The following UGT1A10 variants were observed in gnomAD, a reference collection of about 807,000 sequenced individuals.
UGT1A10 encodes the protein UDP-glucuronosyltransferase 1A10.
Under a neutral mutation model 45.8 loss-of-function variants are expected in UGT1A10, and 49 were observed. That is an observed-to-expected ratio of 1.07 (90% confidence interval 0.85 to 1.36). The LOEUF (loss-of-function observed/expected upper bound fraction) is 1.36, where lower values mean the gene tolerates loss of function less well. UGT1A10 is among the 40% of genes most tolerant of loss of function. The pLI is 0.00. For synonymous variants in UGT1A10, 284 were observed against 249.7 expected, an observed-to-expected ratio of 1.14 and a Z score of -1.29; for missense variants, 745 against 668.6, an observed-to-expected ratio of 1.11 and a Z score of -1.26.
chr2:233,704,631 A>G (rs1393550960), intron 1 of UGT1A10, among the ~76,000 whole-genome samples: 1 of 152,120 alleles, frequency 6.6e-6, no homozygotes, highest in Non-Finnish European at 1.5e-5. Flanking sequence ...TGTTATATTA[A>G]CCTTTTTGCT....
At chr2:233,767,966 A>G in intron 3 of UGT1A10, 30 bp downstream of exon 3, 1 of 1,614,232 alleles carries the variant, frequency 6.2e-7, no homozygotes, top group South Asian at 1.1e-5. Flanking sequence ...TGTATAGGTC[A>G]AACCAGGGTC....
intron 1 of UGT1A10, among the ~76,000 whole-genome samples, chr2:233,736,379 C>T (rs2078756345): frequency 6.6e-6 from 1 of 152,164 alleles, no homozygotes; most frequent in African/African-American, 2.4e-5. Context: ...TTAAGGTCTT[C>T]TCTACAGTGT....
chr2:233,704,632 C>T (rs576550936), intron 1 of UGT1A10, among the ~76,000 whole-genome samples: 126 of 152,100 alleles, frequency 8.3e-4, no homozygotes, highest in African/African-American at 2.9e-3. Flanking sequence ...GTTATATTAA[C>T]CTTTTTGCTT....
At chr2:233,691,527 A>G (rs2075047023) in intron 1 of UGT1A10, 2 of 985,494 alleles carry the variant, frequency 2.0e-6, no homozygotes, top group Admixed American at 6.1e-5. Context: ...GTGCATGACT[A>G]GCTCTGGGCA....
intron 1 of UGT1A10, among the ~76,000 whole-genome samples, chr2:233,732,279 A>C (rs2078256222): frequency 6.6e-6 from 1 of 152,052 alleles, no homozygotes; most frequent in East Asian, 1.9e-4. Context: ...TGCTGTGGAG[A>C]AGCTCTTTAG....
At chr2:233,713,308 T>A in intron 1 of UGT1A10, 1 of 1,614,228 alleles carries the variant, frequency 6.2e-7, no homozygotes, top group Non-Finnish European at 8.5e-7. Flanking sequence ...ACAGAACATC[T>A]TCTGATGAAA....
chr2:233,672,860 A>T, intron 1 of UGT1A10: 1 of 1,528,356 alleles, frequency 6.5e-7, no homozygotes, highest in Non-Finnish European at 8.8e-7. Flanking sequence ...TCTTTACTGA[A>T]CTGTGATTTG....
At chr2:233,649,052 T>G in intron 1 of UGT1A10, 1 of 992,158 alleles carries the variant, frequency 1.0e-6, no homozygotes, top group South Asian at 3.0e-5. Context: ...TTTAGCACAT[T>G]AAAAGTATTC....
chr2:233,657,150 G>T (rs2073873365), intron 1 of UGT1A10, among the ~76,000 whole-genome samples: 1 of 152,138 alleles, frequency 6.6e-6, no homozygotes, highest in African/African-American at 2.4e-5. Flanking sequence ...ATGCCCTGTG[G>T]CCTGCTGGCC....
intron 1 of UGT1A10, 47 bp downstream of exon 1, chr2:233,637,424 A>G (rs1180195488): frequency 3.9e-6 from 6 of 1,548,984 alleles, no homozygotes; most frequent in Non-Finnish European, 5.2e-6. Context: ...TGGCTTTGGA[A>G]ATTAAAAAAG....
rs187768174 is a variant in UGT1A10, at chr2:233,743,103, C to T, written c.856-23931C>T. 4.1e-3 allele frequency: 1,437 copies of T among 353,348 alleles called. 18 individuals carry two copies. Among genetic ancestry groups the T allele is most frequent in the South Asian group, 0.019 (861 of 45,444 alleles). 21.9% of individuals were successfully genotyped at this position (353,348 alleles called of 1,614,324 possible). A position where few individuals can be genotyped will look rare whatever the true frequency, so the allele number is the denominator to read the frequency against. ...AGTGTTTATAAATTCTTGGGTACAG[C>T]TGTTCTGAAAGTAAAGTTCACTTTC... On this transcript the variant is annotated intron_variant, in intron 1 of 4. Transcript: ENST00000344644.
chr2:233,762,039 CTG>C (rs1484213771), intron 1 of UGT1A10, among the ~76,000 whole-genome samples: 1 of 152,090 alleles, frequency 6.6e-6, no homozygotes, highest in Non-Finnish European at 1.5e-5. Flanking sequence ...TTTTAATTTT[CTG>C]TGCATTTTCC....
At chr2:233,667,835 C>T (rs942729743) in intron 1 of UGT1A10, among the ~76,000 whole-genome samples, 1 of 152,158 alleles carries the variant, frequency 6.6e-6, no homozygotes, top group Non-Finnish European at 1.5e-5. Context: ...CAATGAGATA[C>T]CATCTCACAC....
At chr2:233,690,692 C>T in intron 1 of UGT1A10, 1 of 1,247,740 alleles carries the variant, frequency 8.0e-7, no homozygotes, top group Admixed American at 2.9e-5. Context: ...AGCGGAGCTA[C>T]TCTTTAGGGA....
chr2:233,730,252 T>A (rs1444242669), intron 1 of UGT1A10, among the ~76,000 whole-genome samples: 1 of 152,134 alleles, frequency 6.6e-6, no homozygotes, highest in Non-Finnish European at 1.5e-5. Context: ...GTGTGACTCA[T>A]AGAGACTGTT....
chr2:233,743,994 TG>T, intron 1 of UGT1A10: 1 of 1,253,164 alleles, frequency 8.0e-7, no homozygotes, highest in Non-Finnish European at 1.0e-6. Flanking sequence ...CAGGCCCGAG[TG>T]CTCGGAGACC....
At chr2:233,668,919 G>T (rs181115232) in intron 1 of UGT1A10, among the ~76,000 whole-genome samples, 29 of 152,272 alleles carry the variant, frequency 1.9e-4, no homozygotes, top group Admixed American at 1.5e-3. Context: ...CCTTGGTTTT[G>T]ATTACTTTGT....
chr2:233,768,231 A>G lies in UGT1A10; in HGVS notation c.1087A>G (p.Thr363Ala). The G allele has an allele frequency of 5.6e-6, 9 of 1,614,162 alleles. No homozygotes were observed. The highest frequency in any genetic ancestry group is 7.6e-6 in the Non-Finnish European group (9 of 1,180,044). Reference sequence around the variant, plus strand: ...ATTTTGCATCTCAGGTCACCCGATGACCCGTGCCTTTATCACCCATGCTGG... The same window carrying G: ...ATTTTGCATCTCAGGTCACCCGATGGCCCGTGCCTTTATCACCCATGCTGG... ...PQNDLLGHPMTRAFITHAGSH... is the reference protein window; with the variant it reads ...PQNDLLGHPMARAFITHAGSH... The change falls in exon 4 of 5, where the codon ACC becomes GCC. Residue 363 changes from threonine (T) to alanine (A), a missense_variant. By Grantham distance (58) the Thr-to-Ala change is moderately conservative. Coordinates refer to ENST00000344644, the MANE Select transcript of UGT1A10 (RefSeq NM_019075.4).
intron 1 of UGT1A10, among the ~76,000 whole-genome samples, chr2:233,715,364 AT>A (rs1460416152): frequency 6.7e-6 from 1 of 149,952 alleles, no homozygotes; most frequent in African/African-American, 2.4e-5. Context: ...TGAGACTTAT[AT>A]TTTCTTCACA....
Sources: gnomAD v4.1 joint callset for allele counts (sites outside exome capture counted in the v4.1 genomes callset) on GRCh38, gnomAD v4.1.1 for gene constraint, MANE v1.5 for transcripts, NCBI Gene and HGNC (gene_info 2026-07-23, HGNC 2026-07-21) for gene names.